Variants in SEPTIN11 observed in about 807,000 individuals in gnomAD.
SEPTIN11 encodes the protein septin-11.
In SEPTIN11, 25 loss-of-function variants were observed where a neutral mutation model predicts 51.4. That is an observed-to-expected ratio of 0.49 (90% confidence interval 0.35 to 0.68). The LOEUF (loss-of-function observed/expected upper bound fraction) is 0.68. Among genes scored for constraint, SEPTIN11 ranks in the 30% least tolerant of loss-of-function variants. The probability of loss-of-function intolerance (pLI) is 0.00; values close to 1 mark genes in which losing one functional copy is unlikely to be tolerated. For missense variants in SEPTIN11, 381 were observed against 520.8 expected, an observed-to-expected ratio of 0.73 and a Z score of 2.61; for synonymous variants, 174 against 184.1, an observed-to-expected ratio of 0.95 and a Z score of 0.44.
intron 1 of SEPTIN11, among the ~76,000 whole-genome samples, chr4:76,951,912 A>G (rs1578109956): frequency 6.6e-6 from 1 of 152,212 alleles, no homozygotes; most frequent in African/African-American, 2.4e-5. Context: ...TTTTTTAAGT[A>G]TACGTGCACA....
chr4:76,953,365 TA>T (rs1721424165), intron 1 of SEPTIN11, among the ~76,000 whole-genome samples: 1 of 152,214 alleles, frequency 6.6e-6, no homozygotes, highest in Non-Finnish European at 1.5e-5. Context: ...GAAAAGGAAT[TA>T]TATGCCTATT....
intron 8 of SEPTIN11, among the ~76,000 whole-genome samples, chr4:77,030,148 C>T (rs1442675932): frequency 3.9e-5 from 6 of 151,964 alleles, no homozygotes; most frequent in South Asian, 2.1e-4. Flanking sequence ...CCCAGCTACT[C>T]GAGAGGCTGA....
intron 1 of SEPTIN11, among the ~76,000 whole-genome samples, chr4:76,968,005 G>T (rs946150067): frequency 1.3e-5 from 2 of 152,162 alleles, no homozygotes; most frequent in African/African-American, 4.8e-5. Flanking sequence ...GCCCACAGCT[G>T]AGGGAGTGGG....
chr4:76,950,929 A>G (rs1430750281), intron 1 of SEPTIN11, among the ~76,000 whole-genome samples: 2 of 152,124 alleles, frequency 1.3e-5, no homozygotes, highest in Admixed American at 6.5e-5. Flanking sequence ...GTCGATGTTC[A>G]CAGTCCACTC....
At position 77,036,690 on chromosome 4, in the gene SEPTIN11, T is replaced by G; in HGVS notation, c.*2178T>G. On this transcript the variant is annotated 3_prime_UTR_variant, in exon 10 of 10. Coordinates refer to ENST00000264893, the MANE Select transcript of SEPTIN11 (RefSeq NM_018243.4). ...AATGTATTGCTTCTGAACTTTTTTC[T>G]GCCACTGCTCCCTAGCCCTGTTTAG... 1 of 1,523,104 alleles carries G rather than the reference T, an allele frequency of 6.6e-7. No individual in the cohort carries two copies. The highest frequency in any genetic ancestry group is 8.7e-7 in the Non-Finnish European group (1 of 1,143,708). The allele number at this position is 1,523,104 out of a possible 1,614,324, so 94.3% of individuals were successfully genotyped here.
At chr4:77,004,985 A>ATACATAT (rs1224196450) in intron 2 of SEPTIN11, among the ~76,000 whole-genome samples, 1 of 152,162 alleles carries the variant, frequency 6.6e-6, no homozygotes, top group East Asian at 1.9e-4. Flanking sequence ...ATAAATACAT[A>ATACATAT]TATACATACA....
chr4:76,956,137 G>A (rs191337747), intron 1 of SEPTIN11, among the ~76,000 whole-genome samples: 1 of 152,238 alleles, frequency 6.6e-6, no homozygotes, highest in African/African-American at 2.4e-5. Context: ...ATCTCATTAA[G>A]GTACTCATTA....
chr4:77,039,901 C>T (rs1727267605), downstream of SEPTIN11: 2 of 222,314 alleles, frequency 9.0e-6, no homozygotes, highest in East Asian at 1.8e-4. Flanking sequence ...CCAGTTAGTT[C>T]TGTTTTTTGT....
intron 1 of SEPTIN11, among the ~76,000 whole-genome samples, chr4:76,965,092 T>C (rs1330076989): frequency 2.0e-5 from 3 of 152,126 alleles, no homozygotes; most frequent in Non-Finnish European, 4.4e-5. Flanking sequence ...TGCCTAAGTC[T>C]GCTTGCTTGG....
chr4:76,960,504 T>A (rs898020854), intron 1 of SEPTIN11, among the ~76,000 whole-genome samples: 2 of 152,216 alleles, frequency 1.3e-5, no homozygotes, highest in Non-Finnish European at 2.9e-5. Flanking sequence ...TGCCACTAGC[T>A]GCTGCTCCAA....
intron 1 of SEPTIN11, among the ~76,000 whole-genome samples, chr4:76,990,008 T>C (rs952614710): frequency 6.6e-6 from 1 of 152,096 alleles, no homozygotes; most frequent in Non-Finnish European, 1.5e-5. Context: ...CAAGATTTAT[T>C]GTGAAGAGCA....
intron 1 of SEPTIN11, among the ~76,000 whole-genome samples, chr4:76,971,669 A>G (rs1722249570): frequency 6.6e-6 from 1 of 152,182 alleles, no homozygotes; most frequent in African/African-American, 2.4e-5. Context: ...GTACTTTTTA[A>G]TTGTGACCTT....
chr4:76,996,057 T>C, intron 1 of SEPTIN11: 1 of 1,000,492 alleles, frequency 1.0e-6, no homozygotes, highest in Non-Finnish European at 1.4e-6. Context: ...TGACAGTAAA[T>C]TGAAAGCTTT....
chr4:77,034,374 C>G, intron 9 of SEPTIN11, 123 bp from the exon 10 acceptor site: 2 of 875,302 alleles, frequency 2.3e-6, no homozygotes, highest in Non-Finnish European at 3.2e-6. Flanking sequence ...TAATTTCTGT[C>G]AATTCCATAA....
intron 2 of SEPTIN11, among the ~76,000 whole-genome samples, chr4:77,005,271 A>G (rs1724400136): frequency 1.3e-5 from 2 of 152,226 alleles, no homozygotes; most frequent in African/African-American, 4.8e-5. Flanking sequence ...AGAGAAAGAG[A>G]CAAAGTTCAT....
intron 2 of SEPTIN11, among the ~76,000 whole-genome samples, chr4:77,003,729 G>C (rs1224262574): frequency 6.6e-6 from 1 of 152,180 alleles, no homozygotes; most frequent in Non-Finnish European, 1.5e-5. Flanking sequence ...TTTGTATTAT[G>C]TTAGAAAGCA....
chr4:77,036,439 C>T lies in SEPTIN11; in HGVS notation c.*1927C>T. 7 of 1,182,028 alleles carry T rather than the reference C, an allele frequency of 5.9e-6. No homozygotes were observed. The highest frequency in any genetic ancestry group is 6.3e-6 in the Non-Finnish European group (6 of 949,956). 73.2% of individuals were successfully genotyped at this position (1,182,028 alleles called of 1,614,324 possible). A position where few individuals can be genotyped will look rare whatever the true frequency, so the allele number is the denominator to read the frequency against. On this transcript the variant is annotated 3_prime_UTR_variant, in exon 10 of 10. Transcript: ENST00000264893. ...TTGTTCCAACCACCGCTTGTGTGAG[C>T]ATTTTTGTGGCTTGTACAGAAAGTA...
At chr4:76,978,268 TC>T (rs1365007745) in intron 1 of SEPTIN11, among the ~76,000 whole-genome samples, 1 of 152,162 alleles carries the variant, frequency 6.6e-6, no homozygotes, top group African/African-American at 2.4e-5. Context: ...TTCCTGCTGT[TC>T]CCACTTCCCG....
At chr4:76,951,092 G>A (rs372640910) in intron 1 of SEPTIN11, among the ~76,000 whole-genome samples, 9 of 152,236 alleles carry the variant, frequency 5.9e-5, no homozygotes, top group African/African-American at 2.2e-4. Flanking sequence ...CTGAGATACT[G>A]GAAGCTCGGA....
Sources: allele counts gnomAD v4.1 joint callset (sites outside exome capture counted in the v4.1 genomes callset), GRCh38; gene constraint gnomAD v4.1.1; transcripts MANE v1.5; gene names NCBI Gene and HGNC (gene_info 2026-07-23, HGNC 2026-07-21).